IQSEC1: variants seen among roughly 807,000 people sequenced by gnomAD.
IQSEC1 encodes the protein IQ motif and Sec7 domain ArfGEF 1.
In IQSEC1, 31 loss-of-function variants were observed where a neutral mutation model predicts 91.0. That is an observed-to-expected ratio of 0.34 (90% CI 0.26 to 0.46). The LOEUF is 0.46. Among genes scored for constraint, IQSEC1 ranks in the 20% least tolerant of loss-of-function variants. The pLI is 1.00. For missense variants in IQSEC1, 1,388 were observed against 1,575.6 expected (o/e 0.88, Z 2.02); for synonymous variants, 699 against 662.6 (o/e 1.05, Z -0.84).
intron 1 of IQSEC1, among the ~76,000 whole-genome samples, chr3:13,017,104 C>A (rs1411142808): frequency 1.3e-5 from 2 of 152,218 alleles, no homozygotes; most frequent in Non-Finnish European, 2.9e-5. Flanking sequence ...GGACAGACCA[C>A]ATTGTGTTTA....
intron 1 of IQSEC1, chr3:13,022,445 T>G: frequency 2.0e-6 from 2 of 1,021,024 alleles, no homozygotes; most frequent in African/African-American, 1.7e-5. Flanking sequence ...GAGACAGCAG[T>G]GGCTGCAGGC....
rs560713977 is a variant in IQSEC1, at chr3:12,907,992, C to T, written c.2755+357G>A. ...TTCATCAGCATGAAGCACAGGGACG[C>T]GGCCGCACAGAGAGCACGGGACACA... On this transcript the variant is annotated intron_variant, in intron 12 of 13. Transcript: ENST00000613206. 1.1e-3 allele frequency among the ~76,000 whole-genome samples: 170 copies of T among 152,260 alleles called. 1 individual carries two copies. Among genetic ancestry groups the T allele is most frequent in the African/African-American group, 3.8e-3 (159 of 41,544 alleles).
chr3:13,033,678 G>A (rs1469312527), intron 1 of IQSEC1, among the ~76,000 whole-genome samples: 1 of 152,162 alleles, frequency 6.6e-6, no homozygotes, highest in Non-Finnish European at 1.5e-5. Context: ...AGAAGAGTCC[G>A]TGTTTCAATC....
At chr3:13,018,370 C>T (rs948363109) in intron 1 of IQSEC1, among the ~76,000 whole-genome samples, 23 of 152,212 alleles carry the variant, frequency 1.5e-4, no homozygotes, top group African/African-American at 4.8e-4. Flanking sequence ...GCCAGGGCAG[C>T]CAAGGCCACC....
intron 1 of IQSEC1, among the ~76,000 whole-genome samples, chr3:13,195,716 A>C (rs889843893): frequency 6.6e-6 from 1 of 152,226 alleles, no homozygotes; most frequent in African/African-American, 2.4e-5. Flanking sequence ...GTGGCTGTCA[A>C]AGGGCAACAT....
At chr3:13,238,192 C>T (rs61079622) in intron 1 of IQSEC1, among the ~76,000 whole-genome samples, 4,292 of 152,292 alleles carry the variant, frequency 0.028, 166 homozygotes, top group African/African-American at 0.087. Context: ...CAGCCCACGG[C>T]GGTCACCGCC....
At position 12,971,000 on chromosome 3, in the gene IQSEC1, G is replaced by GT. The variant is rs916048965; in HGVS notation, c.24-29136dup. Among the ~76,000 whole-genome samples, 2 of 152,148 alleles carry GT rather than the reference G, an allele frequency of 1.3e-5. No homozygotes were observed. The highest frequency in any genetic ancestry group is 2.9e-5 in the Non-Finnish European group (2 of 68,040). The stretch of plus-strand genomic sequence containing the variant: ...GAGAGCCAAGTCCAGCCTGCTGCCT[G>GT]TTTTTTTAAAATAAAGGTTTATTGG... On this transcript the variant is annotated intron_variant, in intron 1 of 13. Transcript: ENST00000613206. This position sits in a 1 kb window ranked among gnomAD's most constrained non-coding sequence, Gnocchi z 4.4.
Position 12,898,675 on chromosome 3 carries a change from C to A in IQSEC1, c.*2308G>T, listed in dbSNP as rs757358776. 1 of 152,294 alleles carries A rather than the reference C, an allele frequency of 6.6e-6. No homozygotes were observed. The allele number at this position is 152,294 out of a possible 1,614,324, so 9.4% of individuals were successfully genotyped here. On this transcript the variant is annotated 3_prime_UTR_variant, in exon 14 of 14. Coordinates refer to ENST00000613206, the MANE Select transcript of IQSEC1 (RefSeq NM_001134382.3). ...CTAAAGGTTACAGTTAGACTCTCCT[C>A]CCAGCACAGAAGAGGGTGAGAAAAG...
At chr3:13,172,547 C>T (rs1177486611) in intron 1 of IQSEC1, among the ~76,000 whole-genome samples, 1 of 152,150 alleles carries the variant, frequency 6.6e-6, no homozygotes, top group Non-Finnish European at 1.5e-5. Flanking sequence ...TGTGAAAAGT[C>T]AAACAGAACG....
chr3:13,055,130 G>A (rs1401897952), intron 1 of IQSEC1, among the ~76,000 whole-genome samples: 2 of 152,222 alleles, frequency 1.3e-5, no homozygotes, highest in Admixed American at 6.5e-5. Context: ...GGCACAGTGC[G>A]GCGATTGTCC....
upstream of IQSEC1, among the ~76,000 whole-genome samples, chr3:13,075,759 C>T (rs78255490): frequency 0.087 from 13,272 of 152,238 alleles, 718 homozygotes; most frequent in East Asian, 0.15. Flanking sequence ...TGCACTGGCG[C>T]GGTTTTGATT....
At chr3:13,229,837 T>C (rs1400701954) in intron 1 of IQSEC1, among the ~76,000 whole-genome samples, 1 of 152,228 alleles carries the variant, frequency 6.6e-6, no homozygotes, top group Non-Finnish European at 1.5e-5. Context: ...CCTAGCTGTG[T>C]GAACTTGGGC....
intron 2 of IQSEC1, among the ~76,000 whole-genome samples, chr3:12,937,093 C>A (rs1445046331): frequency 2.0e-5 from 3 of 152,076 alleles, no homozygotes; most frequent in Non-Finnish European, 4.4e-5. Flanking sequence ...CCACCACGCC[C>A]AGCTAATTTT....
chr3:13,156,806 C>T (rs988457674), intron 2 of IQSEC1, among the ~76,000 whole-genome samples: 2 of 152,132 alleles, frequency 1.3e-5, no homozygotes, highest in Admixed American at 1.3e-4. Flanking sequence ...CTGAGGAGAA[C>T]TCATCTTGGG....
chr3:13,261,254 C>T (rs1695380756), intron 1 of IQSEC1, among the ~76,000 whole-genome samples: 1 of 152,194 alleles, frequency 6.6e-6, no homozygotes, highest in African/African-American at 2.4e-5. Flanking sequence ...AAGGTCACGC[C>T]TCCCTCCCCC....
At chr3:12,929,930 A>G (rs1697519242) in intron 3 of IQSEC1, among the ~76,000 whole-genome samples, 1 of 152,146 alleles carries the variant, frequency 6.6e-6, no homozygotes, top group Non-Finnish European at 1.5e-5. Flanking sequence ...TCCTCACATC[A>G]GATGACGATT....
At chr3:12,949,838 G>C (rs1023579378) in intron 1 of IQSEC1, among the ~76,000 whole-genome samples, 2 of 152,230 alleles carry the variant, frequency 1.3e-5, no homozygotes, top group African/African-American at 4.8e-5. Context: ...CGCCACCCCT[G>C]CCAGGTCTCT....
At chr3:12,960,770 C>A (rs1481051899) in intron 1 of IQSEC1, 1 of 152,274 alleles carries the variant, frequency 6.6e-6, no homozygotes, top group East Asian at 1.9e-4. Context: ...TAGCCCCAGT[C>A]TCAATCTTGT....
intron 2 of IQSEC1, among the ~76,000 whole-genome samples, chr3:13,142,215 G>A (rs911315925): frequency 6.6e-6 from 1 of 152,222 alleles, no homozygotes; most frequent in South Asian, 2.1e-4. Flanking sequence ...AGAGCGCAGC[G>A]GGCTGCGGGA....
Sources: allele counts gnomAD v4.1 joint callset (sites outside exome capture counted in the v4.1 genomes callset), GRCh38; gene constraint gnomAD v4.1.1; non-coding constraint Gnocchi (gnomAD v3.1); transcripts MANE v1.5; gene names NCBI Gene and HGNC (gene_info 2026-07-23, HGNC 2026-07-21).